ZNF577: variants seen among roughly 807,000 people sequenced by gnomAD.
The protein encoded by ZNF577 is zinc finger protein 577.
A neutral mutation model predicts 13.9 loss-of-function variants in ZNF577; 14 were observed. The observed-to-expected ratio is 1.00, with a 90% CI of 0.66 to 1.57. The LOEUF is 1.57. ZNF577 is among the 40% of genes most tolerant of loss of function. The probability of loss-of-function intolerance (pLI) is 0.00; values close to 1 mark genes in which losing one functional copy is unlikely to be tolerated. For missense variants in ZNF577, 555 were observed against 579.2 expected (o/e 0.96, Z 0.43); for synonymous variants, 203 against 202.9 (o/e 1.00, Z 0.00).
chr19:51,878,234 G>A, intron 4 of ZNF577, 155 bp downstream of exon 4: 1 of 780,814 alleles, frequency 1.3e-6, no homozygotes, highest in African/African-American at 1.7e-5. Flanking sequence ...GCACGCTTAT[G>A]GTTAAGACGG....
At chr19:51,858,648 AG>A (rs965398695) in intron 5 of ZNF577, among the ~76,000 whole-genome samples, 2 of 152,218 alleles carry the variant, frequency 1.3e-5, no homozygotes, top group African/African-American at 4.8e-5. Flanking sequence ...GCAAAACAAT[AG>A]GTTTCACTGA....
intron 9 of ZNF577, among the ~76,000 whole-genome samples, chr19:51,828,640 CTG>C (rs1370188616): frequency 1.3e-5 from 2 of 152,064 alleles, no homozygotes; most frequent in African/African-American, 4.8e-5. Flanking sequence ...GTTCAGGAAA[CTG>C]AGATTTTTTT....
Position 51,872,312 on chromosome 19 carries a change from T to C in ZNF577, c.*220A>G. On this transcript the variant is annotated 3_prime_UTR_variant, in exon 6 of 6. Coordinates refer to ENST00000638348, the MANE Select transcript of ZNF577 (RefSeq NM_001370449.1). ...ATAAATATTCCTGTAAGAATTCTTT[T>C]GATACCAATTGAGATATCATCTCCA... The C allele has an allele frequency of 2.3e-6, 1 of 437,768 alleles. No individual in the cohort carries two copies. The highest frequency in any genetic ancestry group is 4.3e-5 in the South Asian group (1 of 23,410). The allele number at this position is 437,768 out of a possible 1,614,324, so 27.1% of individuals were successfully genotyped here. A position where few individuals can be genotyped will look rare whatever the true frequency, so the allele number is the denominator to read the frequency against.
chr19:51,856,038 A>C (rs2084414862), intron 5 of ZNF577: 1 of 152,182 alleles, frequency 6.6e-6, no homozygotes, highest in African/African-American at 2.4e-5. Context: ...TGAGGTTCAA[A>C]ATTTTTTTCT....
chr19:51,859,554 A>C (rs1456019905), intron 5 of ZNF577, among the ~76,000 whole-genome samples: 1 of 152,066 alleles, frequency 6.6e-6, no homozygotes, highest in Non-Finnish European at 1.5e-5. Flanking sequence ...TGGTTTTTAA[A>C]TATTTTAGGT....
intron 5 of ZNF577, among the ~76,000 whole-genome samples, chr19:51,876,354 G>T (rs925336708): frequency 6.6e-6 from 1 of 152,052 alleles, no homozygotes; most frequent in South Asian, 2.1e-4. Context: ...CAGATGAGAC[G>T]TTAGTAGCAG....
At chr19:51,884,904 T>C (rs561930617) in intron 1 of ZNF577, among the ~76,000 whole-genome samples, 27 of 152,234 alleles carry the variant, frequency 1.8e-4, no homozygotes, top group Non-Finnish European at 2.6e-4. Flanking sequence ...GAATTGATAG[T>C]TCCAAAAAGT....
At chr19:51,841,325 T>C (rs761260771) in intron 8 of ZNF577, among the ~76,000 whole-genome samples, 1 of 152,174 alleles carries the variant, frequency 6.6e-6, no homozygotes, top group Non-Finnish European at 1.5e-5. Context: ...CTGCATTTGC[T>C]GTAGAGCCAC....
At chr19:51,834,269 G>A (rs2084277316) in intron 9 of ZNF577, among the ~76,000 whole-genome samples, 1 of 152,054 alleles carries the variant, frequency 6.6e-6, no homozygotes, top group African/African-American at 2.4e-5. Context: ...TTGTTTTGTG[G>A]AAACAAGGTC....
At chr19:51,812,808 T>G (rs73566118) in intron 9 of ZNF577, among the ~76,000 whole-genome samples, 2 of 152,152 alleles carry the variant, frequency 1.3e-5, no homozygotes, top group African/African-American at 4.8e-5. Flanking sequence ...AAATTTATTA[T>G]GCTGGATAAT....
intron 9 of ZNF577, among the ~76,000 whole-genome samples, chr19:51,818,351 C>T (rs1192304504): frequency 1.3e-5 from 2 of 152,078 alleles, no homozygotes; most frequent in Non-Finnish European, 2.9e-5. Context: ...ACATGGTTAC[C>T]TGAAAACTAT....
chr19:51,858,246 C>A (rs2084459174), intron 5 of ZNF577, among the ~76,000 whole-genome samples: 1 of 152,232 alleles, frequency 6.6e-6, no homozygotes, highest in East Asian at 1.9e-4. Context: ...CTTGTTCACT[C>A]TATTCCTGAG....
intron 9 of ZNF577, among the ~76,000 whole-genome samples, chr19:51,838,842 T>C (rs1479782678): frequency 2.0e-5 from 3 of 151,956 alleles, no homozygotes. Flanking sequence ...ATTTTTGTAA[T>C]AAATAATTGT....
chr19:51,858,692 G>GT, intron 5 of ZNF577, among the ~76,000 whole-genome samples: 2 of 151,266 alleles, frequency 1.3e-5, no homozygotes, highest in Admixed American at 1.3e-4. Context: ...TCACATGGAG[G>GT]TAAAAAAAAA....
chr19:51,864,588 G>T (rs944658652), downstream of ZNF577, among the ~76,000 whole-genome samples: 1 of 152,144 alleles, frequency 6.6e-6, no homozygotes, highest in Non-Finnish European at 1.5e-5. Context: ...AGGACCTCGA[G>T]ATATAAGGAG....
rs1225117300 is a variant in ZNF577, at chr19:51,871,355, G to A, written c.*1177C>T. The A allele has an allele frequency of 6.6e-6, 1 of 151,128 alleles. No homozygotes were observed. Among genetic ancestry groups the A allele is most frequent in the Non-Finnish European group, 1.5e-5 (1 of 67,826 alleles). 9.4% of individuals were successfully genotyped at this position (151,128 alleles called of 1,614,324 possible). ...TGGTCTCAAACTTGCGGGCTCAAGT[G>A]ATCTTCCTGCCTTGGCCTCCCAAAG... On this transcript the variant is annotated 3_prime_UTR_variant, in exon 6 of 6. Coordinates refer to ENST00000638348, the MANE Select transcript of ZNF577 (RefSeq NM_001370449.1).
At chr19:51,809,142 T>C (rs1164954580) in intron 10 of ZNF577, among the ~76,000 whole-genome samples, 1 of 152,256 alleles carries the variant, frequency 6.6e-6, no homozygotes, top group Non-Finnish European at 1.5e-5. Flanking sequence ...ATCAAAGTTT[T>C]CATTTGTAAG....
At chr19:51,826,786 G>T (rs149897236) in intron 9 of ZNF577, among the ~76,000 whole-genome samples, 1 of 152,310 alleles carries the variant, frequency 6.6e-6, no homozygotes, top group Non-Finnish European at 1.5e-5. Flanking sequence ...TAGGGAATGG[G>T]TGCTGCTGAC....
chr19:51,851,472 G>A (rs2084378234), intron 5 of ZNF577, among the ~76,000 whole-genome samples: 1 of 151,938 alleles, frequency 6.6e-6, no homozygotes, highest in South Asian at 2.1e-4. Context: ...GTAAGTGGTG[G>A]GTTACTATTC....
Sources: gnomAD v4.1 joint callset for allele counts (sites outside exome capture counted in the v4.1 genomes callset) on GRCh38, gnomAD v4.1.1 for gene constraint, MANE v1.5 for transcripts, NCBI Gene and HGNC (gene_info 2026-07-23, HGNC 2026-07-21) for gene names.